Variants in MAP1B observed in about 807,000 individuals in gnomAD.
MAP1B encodes microtubule-associated protein 1B.
MAP1B carries 12 observed loss-of-function variants against 176.1 expected under a neutral mutation model. That is an observed-to-expected ratio of 0.07 (90% CI 0.04 to 0.11). MAP1B has a LOEUF of 0.11. Among genes scored for constraint, MAP1B ranks in the 10% least tolerant of loss-of-function variants. The pLI, the probability that MAP1B is intolerant of heterozygous loss-of-function variation, is 1.00. For synonymous variants in MAP1B, 1,044 were observed against 1,135.0 expected (o/e 0.92, Z 1.61); for missense variants, 2,523 against 2,990.5 (o/e 0.84, Z 3.65).
intron 2 of MAP1B, among the ~76,000 whole-genome samples, chr5:72,157,230 G>A (rs1391128954): frequency 6.6e-6 from 1 of 152,108 alleles, no homozygotes; most frequent in Non-Finnish European, 1.5e-5. Flanking sequence ...TTTTCACTCA[G>A]TTTGGAATGA....
intron 5 of MAP1B, 131 bp downstream of exon 5, chr5:72,200,498 A>G (rs1747309249): frequency 1.7e-6 from 2 of 1,162,296 alleles, no homozygotes; most frequent in Middle Eastern, 3.0e-4. Context: ...CCTTCCCTGT[A>G]CTCTTCTCCT....
At chr5:72,117,227 CTTG>C (rs1259517222) in intron 2 of MAP1B, among the ~76,000 whole-genome samples, 1 of 152,006 alleles carries the variant, frequency 6.6e-6, no homozygotes, top group Admixed American at 6.6e-5. Flanking sequence ...GGTTGTTTCT[CTTG>C]TTGTTATTTT....
intron 5 of MAP1B, among the ~76,000 whole-genome samples, chr5:72,201,263 T>TA (rs1747329971): frequency 1.3e-5 from 2 of 151,114 alleles, no homozygotes. Context: ...TCTTAGCTAC[T>TA]TGGGAGGCTG....
At chr5:72,148,499 C>T (rs933103204) in intron 2 of MAP1B, among the ~76,000 whole-genome samples, 1 of 152,198 alleles carries the variant, frequency 6.6e-6, no homozygotes, top group African/African-American at 2.4e-5. Flanking sequence ...TCATCAGAAC[C>T]ACTTGGTAGG....
At chr5:72,151,209 T>C (rs1461961110) in intron 2 of MAP1B, among the ~76,000 whole-genome samples, 2 of 152,104 alleles carry the variant, frequency 1.3e-5, no homozygotes, top group African/African-American at 4.8e-5. Context: ...AGAATCTTGC[T>C]TTATAACAAC....
At position 72,118,057 on chromosome 5, in the gene MAP1B, T is replaced by A. The variant is rs541053432; in HGVS notation, c.286+2258T>A. Among the ~76,000 whole-genome samples the A allele has an allele frequency of 1.2e-4, 18 of 152,234 alleles. 1 individual carries two copies. The highest frequency in any genetic ancestry group is 7.2e-4 in the Admixed American group (11 of 15,276). ...TTTTCCTGAACAAACTGGAAAGGTT[T>A]TATGGAAAAATTTGAAGTCTGTTTT... On this transcript the variant is annotated intron_variant, in intron 2 of 6. Transcript: ENST00000296755.
intron 1 of MAP1B, among the ~76,000 whole-genome samples, chr5:72,111,373 T>C (rs1002221400): frequency 9.2e-5 from 14 of 152,222 alleles, no homozygotes; most frequent in African/African-American, 2.9e-4. Context: ...CAGCAAGATT[T>C]GTTGGTGAAA....
In MAP1B at chr5:72,186,789, T is replaced by C. The variant is rs1402841639; in HGVS notation, c.510+35T>C. 4 of 1,611,464 alleles carry C rather than the reference T, an allele frequency of 2.5e-6. No homozygotes were observed. Among genetic ancestry groups the C allele is most frequent in the South Asian group, 1.1e-5 (1 of 91,000 alleles). ...TGTCTGAGAATATCTGTGCTTCTAG[T>C]GGCTTGGTTGCCTTAGGTTCCTCTT... On this transcript the variant is annotated intron_variant, in intron 4 of 6. Coordinates refer to ENST00000296755, the MANE Select transcript of MAP1B (RefSeq NM_005909.5). This position sits in a 1 kb window ranked among gnomAD's most constrained non-coding sequence, Gnocchi z 4.3.
At chr5:72,155,542 A>C (rs1314535099) in intron 2 of MAP1B, among the ~76,000 whole-genome samples, 1 of 152,250 alleles carries the variant, frequency 6.6e-6, no homozygotes, top group Non-Finnish European at 1.5e-5. Flanking sequence ...TCATTGTGAC[A>C]ATATGCAGTT....
rs1185148741 is a variant in MAP1B at position 72,195,634 on chromosome 5, C to T, written c.2279C>T (p.Pro760Leu). 6.2e-7 allele frequency: 1 copy of T among 1,614,156 alleles called. No homozygotes were observed. Reference sequence around the variant, plus strand: ...CCAGCTGCTTTAAAACCAAAAGTACCCAAGAAGGAAGAGTCTGTCAAGAAA... The same window carrying T: ...CCAGCTGCTTTAAAACCAAAAGTACTCAAGAAGGAAGAGTCTGTCAAGAAA... Reference protein sequence around the residue: ...KKPAALKPKVPKKEESVKKDS... With the variant: ...KKPAALKPKVLKKEESVKKDS... Residue 760 changes from proline to leucine, a missense_variant, in exon 5 of 7, where the codon CCC becomes CTC. By Grantham distance (98) the Pro-to-Leu change is moderately conservative. This residue lies in a region of MAP1B where 1,925 missense variants were observed against 2,126.0 expected (regional missense o/e 0.91). Coordinates refer to ENST00000296755, the MANE Select transcript of MAP1B (RefSeq NM_005909.5).
At chr5:72,137,774 C>T (rs1047066245) in intron 2 of MAP1B, among the ~76,000 whole-genome samples, 2 of 152,064 alleles carry the variant, frequency 1.3e-5, no homozygotes, top group Non-Finnish European at 2.9e-5. Flanking sequence ...AGCCTTTTCT[C>T]CCCGTTTAAG....
chr5:72,191,479 G>C (rs916860885), intron 4 of MAP1B, among the ~76,000 whole-genome samples: 1 of 152,232 alleles, frequency 6.6e-6, no homozygotes, highest in African/African-American at 2.4e-5. Context: ...ACTCTCTACT[G>C]TGCTTGTTGG....
chr5:72,122,002 A>G (rs1029334515), intron 2 of MAP1B, among the ~76,000 whole-genome samples: 3 of 152,240 alleles, frequency 2.0e-5, no homozygotes, highest in African/African-American at 7.2e-5. Context: ...ACTTGTCCCC[A>G]TGCCTGTGAG....
chr5:72,155,714 T>TGTACAAGACTACTCAAGTAGTCTTGA (rs1329863494), intron 2 of MAP1B, among the ~76,000 whole-genome samples: 1 of 152,150 alleles, frequency 6.6e-6, no homozygotes, highest in Non-Finnish European at 1.5e-5. Flanking sequence ...GTAGCCTTTC[T>TGTACAAGACTACTCAAGTAGTCTTGA]GTAGAAAATC....
At chr5:72,129,855 C>T (rs1745697859) in intron 2 of MAP1B, among the ~76,000 whole-genome samples, 1 of 152,286 alleles carries the variant, frequency 6.6e-6, no homozygotes, top group East Asian at 1.9e-4. Flanking sequence ...ATTAGTTATA[C>T]AAATTATTAG....
At chr5:72,184,965 A>G (rs1489151263) in intron 3 of MAP1B, among the ~76,000 whole-genome samples, 1 of 152,318 alleles carries the variant, frequency 6.6e-6, no homozygotes, top group East Asian at 1.9e-4. Flanking sequence ...GCTCATCAGC[A>G]GTCGGTCTCC....
intron 2 of MAP1B, among the ~76,000 whole-genome samples, chr5:72,166,999 T>G (rs568011705): frequency 6.7e-6 from 1 of 148,696 alleles, no homozygotes; most frequent in East Asian, 2.0e-4. Flanking sequence ...TAATGTATGC[T>G]AATTGCTATA....
chr5:72,168,715 A>G (rs1466107096), intron 2 of MAP1B, among the ~76,000 whole-genome samples: 1 of 152,254 alleles, frequency 6.6e-6, no homozygotes, highest in Non-Finnish European at 1.5e-5. Context: ...AAGATAGAAG[A>G]GGACAGAATT....
Position 72,194,403 on chromosome 5 carries a change from A to G in MAP1B, c.1048A>G (p.Ile350Val), listed in dbSNP as rs753261082. The G allele has an allele frequency of 1.2e-6, 2 of 1,614,138 alleles. No homozygotes were observed. Among genetic ancestry groups the G allele is most frequent in the Non-Finnish European group, 1.7e-6 (2 of 1,180,004 alleles). Reference sequence around the variant, plus strand: ...AAATAGTGACTGGATGAAAAACCTCATCTCCCCTGACTTAGGAGTTGTATT... The same window carrying G: ...AAATAGTGACTGGATGAAAAACCTCGTCTCCCCTGACTTAGGAGTTGTATT... ...TTNSDWMKNL[I>V]SPDLGVVFLN... is the part of the protein sequence containing the mutation. Residue 350 changes from isoleucine to valine, a missense_variant, in exon 5 of 7, where the codon ATC becomes GTC. Physicochemically the swap from Ile to Val is conservative, Grantham distance 29. This residue lies in a region of MAP1B where 307 missense variants were observed against 438.4 expected (regional missense o/e 0.70). Coordinates refer to ENST00000296755, the MANE Select transcript of MAP1B (RefSeq NM_005909.5). The surrounding 1 kb of genome is among the most constrained non-coding windows in gnomAD (Gnocchi z 7.2).
Sources: allele counts gnomAD v4.1 joint callset (sites outside exome capture counted in the v4.1 genomes callset), GRCh38; gene constraint gnomAD v4.1.1; regional missense constraint gnomAD v4.1.1; non-coding constraint Gnocchi (gnomAD v3.1); transcripts MANE v1.5; gene names NCBI Gene and HGNC (gene_info 2026-07-23, HGNC 2026-07-21).